SCNN1D: variants seen among roughly 807,000 people sequenced by gnomAD.
The protein encoded by SCNN1D is epithelial sodium channel subunit delta.
In SCNN1D, 104 loss-of-function variants were observed where a neutral mutation model predicts 87.8. That is an observed-to-expected ratio of 1.18 (90% CI 1.01 to 1.39). The LOEUF (loss-of-function observed/expected upper bound fraction) is 1.39. SCNN1D is among the 40% of genes most tolerant of loss of function. SCNN1D has a pLI of 0.00. For synonymous variants in SCNN1D, 628 were observed against 481.2 expected (o/e 1.31, Z -3.99); for missense variants, 1,324 against 1,093.9 (o/e 1.21, Z -2.97).
chr1:1,283,359 G>A (rs1340560023), intron 4 of SCNN1D, among the ~76,000 whole-genome samples: 1 of 152,134 alleles, frequency 6.6e-6, no homozygotes, highest in Non-Finnish European at 1.5e-5. Flanking sequence ...AGTGCTGGGA[G>A]CCCACCACGG....
intron 4 of SCNN1D, among the ~76,000 whole-genome samples, chr1:1,283,685 T>A (rs898235933): frequency 6.6e-6 from 1 of 151,528 alleles, no homozygotes; most frequent in Non-Finnish European, 1.5e-5. Flanking sequence ...GCAACAAGAG[T>A]GAGACTCCAT....
At position 1,287,491 on chromosome 1, in the gene SCNN1D, T is replaced by C; in HGVS notation, c.1311-17T>C. The C allele has an allele frequency of 6.6e-7, 1 of 1,517,954 alleles. No homozygotes were observed. Among genetic ancestry groups the C allele is most frequent in the East Asian group, 2.3e-5 (1 of 43,854 alleles). The allele number at this position is 1,517,954 out of a possible 1,614,324, so 94.0% of individuals were successfully genotyped here. A position where few individuals can be genotyped will look rare whatever the true frequency, so the allele number is the denominator to read the frequency against. On this transcript the variant is annotated splice_polypyrimidine_tract_variant and intron_variant, in intron 9 of 17. Coordinates refer to ENST00000379116, the MANE Select transcript of SCNN1D (RefSeq NM_001130413.4). Reference sequence around the variant, plus strand: ...GGCAGCCGACATTCAAGGTCTGAGCTTGGCTTCTCATTCCAGACAGTTCCG... The same window carrying C: ...GGCAGCCGACATTCAAGGTCTGAGCCTGGCTTCTCATTCCAGACAGTTCCG...
At position 1,290,856 on chromosome 1, in the gene SCNN1D, A is replaced by G. The variant is rs1640786244; in HGVS notation, c.1918-39A>G. 3 of 1,604,546 alleles carry G rather than the reference A, an allele frequency of 1.9e-6. No individual in the cohort carries two copies. The South Asian group carries it at 3.3e-5, about 18-fold the overall frequency. Reference sequence around the variant, plus strand: ...CGTGGTACCCAGGATGGCCGGGGGCATGGGGGAGCCGTGGCCACAGCAAAC... The same window carrying G: ...CGTGGTACCCAGGATGGCCGGGGGCGTGGGGGAGCCGTGGCCACAGCAAAC... On this transcript the variant is annotated intron_variant, in intron 15 of 17. Transcript: ENST00000379116.
At chr1:1,290,978 G>C in intron 16 of SCNN1D, 25 bp downstream of exon 16, 2 of 1,599,062 alleles carry the variant, frequency 1.3e-6, no homozygotes, top group South Asian at 2.2e-5. Flanking sequence ...CCCCTCCAGA[G>C]AGGCATCACA....
At chr1:1,290,610 C>T in intron 14 of SCNN1D, 27 bp from the exon 15 acceptor site, 1 of 1,612,606 alleles carries the variant, frequency 6.2e-7, no homozygotes, top group Non-Finnish European at 8.5e-7. Flanking sequence ...GGTAGCGTGG[C>T]AGGTGACACC....
At position 1,286,770 on chromosome 1, in the gene SCNN1D, C is replaced by T. The variant is rs141030321; in HGVS notation, c.914C>T (p.Pro305Leu). 25 of 1,612,100 alleles carry T rather than the reference C, an allele frequency of 1.6e-5. No individual in the cohort carries two copies. The highest frequency in any genetic ancestry group is 4.0e-5 in the African/African-American group (3 of 74,908). Residue 305 changes from proline to leucine, a missense_variant and splice_region_variant, in exon 8 of 18, where the codon CCG (proline) becomes CTG (leucine). By Grantham distance (98) the Pro-to-Leu change is moderately conservative (BLOSUM62 -3). Transcript: ENST00000379116. The stretch of plus-strand genomic sequence containing the variant: ...GACTCCAGGGCCCTGCGTCCCAGGC[C>T]GAGTCCGGTCCTCCGCCATCTGGAG... ...VTLCDGNPRR[P>L]SPVLRHLELL...
Position 1,285,554 on chromosome 1 carries a change from T to C in SCNN1D, c.465-17T>C. On this transcript the variant is annotated splice_polypyrimidine_tract_variant and intron_variant, in intron 5 of 17. Coordinates refer to ENST00000379116, the MANE Select transcript of SCNN1D (RefSeq NM_001130413.4). The stretch of plus-strand genomic sequence containing the variant: ...CGCGGGGCGCATGGACACGCTACCG[T>C]ACTTGCCTTTGGGTAGATCGCCTGG... 1 of 1,497,328 alleles carries C rather than the reference T, an allele frequency of 6.7e-7. No individual in the cohort carries two copies. The highest frequency in any genetic ancestry group is 8.9e-7 in the Non-Finnish European group (1 of 1,118,696). The allele number at this position is 1,497,328 out of a possible 1,614,324, so 92.8% of individuals were successfully genotyped here. A position where few individuals can be genotyped will look rare whatever the true frequency, so the allele number is the denominator to read the frequency against.
rs371181786 is a variant in SCNN1D, at chr1:1,290,605, C to G, written c.1860-32C>G. ...GGCCAGGGATCATTGCCCCAGGTAGCGTGGCAGGTGACACCCGGCTGTCTC... is the reference window on the plus strand; with the variant it reads ...GGCCAGGGATCATTGCCCCAGGTAGGGTGGCAGGTGACACCCGGCTGTCTC... On this transcript the variant is annotated intron_variant, in intron 14 of 17. Transcript: ENST00000379116. The G allele has an allele frequency of 6.9e-5, 111 of 1,612,320 alleles. 1 individual carries two copies. The highest frequency in any genetic ancestry group is 1.7e-4 in the Admixed American group (10 of 59,996).
intron 12 of SCNN1D, among the ~76,000 whole-genome samples, 160 bp from the exon 13 acceptor site, chr1:1,290,111 C>T (rs1570612267): frequency 7.1e-6 from 1 of 140,864 alleles, no homozygotes; most frequent in Non-Finnish European, 1.6e-5. Context: ...TGCTCCGTCC[C>T]GTGTCTCTGC....
chr1:1,283,409 G>A (rs2100312424), intron 4 of SCNN1D, among the ~76,000 whole-genome samples: 1 of 152,250 alleles, frequency 6.6e-6, no homozygotes, highest in South Asian at 2.1e-4. Flanking sequence ...AGAAAGATGG[G>A]GCTTCTGGGC....
intron 12 of SCNN1D, among the ~76,000 whole-genome samples, chr1:1,288,704 CGA>C (rs1295940442): frequency 7.1e-5 from 1 of 14,038 alleles, no homozygotes. Flanking sequence ...CTCCGTCCCC[CGA>C]GTCTCTGCTC....
At position 1,291,373 on chromosome 1, in the gene SCNN1D, A is replaced by T; in HGVS notation, c.2172A>T (p.Leu724=). 6.2e-7 allele frequency: 1 copy of T among 1,608,684 alleles called. No homozygotes were observed. Among genetic ancestry groups the T allele is most frequent in the Non-Finnish European group, 8.5e-7 (1 of 1,178,636 alleles). ...LLDASALTLV[L]GGRRLRRAWF... is the part of the protein sequence containing the mutation. Reference sequence around the variant, plus strand: ...ATGCTTCTGCCCTCACCCTGGTGCTAGGCGGCCGCCGGCTCCGCAGGGCGT... The same window carrying T: ...ATGCTTCTGCCCTCACCCTGGTGCTTGGCGGCCGCCGGCTCCGCAGGGCGT... Residue 724 remains leucine (L), a synonymous_variant, in exon 18 of 18, where the codon CTA becomes CTT. Coordinates refer to ENST00000379116, the MANE Select transcript of SCNN1D (RefSeq NM_001130413.4).
chr1:1,280,999 T>A (rs1423473864), intron 1 of SCNN1D: 9 of 593,134 alleles, frequency 1.5e-5, no homozygotes, highest in Non-Finnish European at 2.4e-5. Flanking sequence ...GGGAGGCTGT[T>A]CACCTGCCTG....
At chr1:1,287,862 C>A in intron 11 of SCNN1D, 26 bp downstream of exon 11, 2 of 1,517,850 alleles carry the variant, frequency 1.3e-6, no homozygotes, top group Non-Finnish European at 8.9e-7. Flanking sequence ...CAGCCAACCT[C>A]CGGCCCAGGC....
In SCNN1D at chr1:1,282,227, C is replaced by A; in HGVS notation, c.278-15C>A. On this transcript the variant is annotated splice_polypyrimidine_tract_variant and intron_variant, in intron 3 of 17. Transcript: ENST00000379116. ...GAAGGCCACACAGCCAGTGACGAAG[C>A]TGTGATTCACACAGGCCTGGGTGAC... 1.5e-6 allele frequency: 2 copies of A among 1,379,162 alleles called. No homozygotes were observed. The highest frequency in any genetic ancestry group is 2.0e-6 in the Non-Finnish European group (2 of 991,044). 85.4% of individuals were successfully genotyped at this position (1,379,162 alleles called of 1,614,324 possible). A position where few individuals can be genotyped will look rare whatever the true frequency, so the allele number is the denominator to read the frequency against.
At chr1:1,282,049 G>A (rs906238695) in intron 3 of SCNN1D, 193 bp from the exon 4 acceptor site, 1 of 601,084 alleles carries the variant, frequency 1.7e-6, no homozygotes, top group South Asian at 2.0e-5. Context: ...TGTGGTGGGG[G>A]AGAAGCCCCA....
intron 3 of SCNN1D, 183 bp downstream of exon 3, chr1:1,281,793 C>A: frequency 1.6e-6 from 1 of 618,074 alleles, no homozygotes; most frequent in Non-Finnish European, 2.8e-6. Flanking sequence ...GGCCTTGCTC[C>A]TGCAAGCTGC....
chr1:1,288,345 TCC>T (rs200812946), intron 12 of SCNN1D, among the ~76,000 whole-genome samples: 657 of 39,042 alleles, frequency 0.017, 37 homozygotes, highest in East Asian at 0.059. Flanking sequence ...CTCTGCCCCG[TCC>T]CCCGTGTCTC....
chr1:1,289,980 C>T (rs1328267893), intron 12 of SCNN1D, among the ~76,000 whole-genome samples: 1 of 51,272 alleles, frequency 2.0e-5, no homozygotes, highest in Non-Finnish European at 2.8e-5. Flanking sequence ...GTGTCTGCTC[C>T]GTCCCGTGTC....
Sources: gnomAD v4.1 joint callset for allele counts (sites outside exome capture counted in the v4.1 genomes callset) on GRCh38, gnomAD v4.1.1 for gene constraint, MANE v1.5 for transcripts, NCBI Gene and HGNC (gene_info 2026-07-23, HGNC 2026-07-21) for gene names.